Variants in PTPRD observed in about 807,000 individuals in gnomAD.
The protein encoded by PTPRD is protein tyrosine phosphatase receptor type D.
In PTPRD, 34 loss-of-function variants were observed where a neutral mutation model predicts 214.5. That is an observed-to-expected ratio of 0.16 (90% CI 0.12 to 0.21). PTPRD has a LOEUF of 0.21. Ranked by LOEUF, PTPRD falls within the 10% of genes least tolerant of loss-of-function variation. The pLI, the probability that PTPRD is intolerant of heterozygous loss-of-function variation, is 1.00. For missense variants in PTPRD, 2,545 were observed against 2,398.7 expected, an observed-to-expected ratio of 1.06 and a Z score of -1.27; for synonymous variants, 1,128 against 845.7, an observed-to-expected ratio of 1.33 and a Z score of -5.79.
intron 3 of PTPRD, among the ~76,000 whole-genome samples, chr9:10,158,258 C>T (rs751339712): frequency 6.6e-6 from 1 of 152,144 alleles, no homozygotes; most frequent in Admixed American, 6.5e-5. Flanking sequence ...CTGCCCACTT[C>T]GGCCCCCTGA....
At chr9:10,199,268 T>C (rs1278376244) in intron 3 of PTPRD, among the ~76,000 whole-genome samples, 4 of 152,248 alleles carry the variant, frequency 2.6e-5, no homozygotes, top group East Asian at 3.9e-4. Flanking sequence ...ACTTAGTGTA[T>C]AGTTAGTTCT....
At chr9:10,481,000 C>G (rs1379046257) in intron 2 of PTPRD, among the ~76,000 whole-genome samples, 1 of 151,440 alleles carries the variant, frequency 6.6e-6, no homozygotes, top group East Asian at 2.0e-4. Context: ...TCAATAATAA[C>G]ATGCAAGCAG....
chr9:9,453,545 A>T (rs1160346393), intron 8 of PTPRD, among the ~76,000 whole-genome samples: 3 of 151,568 alleles, frequency 2.0e-5, no homozygotes, highest in Admixed American at 6.6e-5. Context: ...GTCTAAGGGG[A>T]TTCTTATTAC....
At chr9:10,465,351 AT>A (rs978064074) in intron 2 of PTPRD, among the ~76,000 whole-genome samples, 2 of 152,256 alleles carry the variant, frequency 1.3e-5, no homozygotes, top group Admixed American at 1.3e-4. Context: ...TGTTCATAAC[AT>A]TTTTTTGAGT....
At chr9:9,093,310 G>A (rs1036512991) in intron 10 of PTPRD, among the ~76,000 whole-genome samples, 4 of 151,890 alleles carry the variant, frequency 2.6e-5, no homozygotes, top group Admixed American at 6.6e-5. Flanking sequence ...CAGGAAATAC[G>A]AATAACACTA....
chr9:8,828,719 A>G (rs1481552187), intron 11 of PTPRD, among the ~76,000 whole-genome samples: 1 of 152,160 alleles, frequency 6.6e-6, no homozygotes, highest in African/African-American at 2.4e-5. Flanking sequence ...ACGCATCTCT[A>G]AAAAACATAT....
intron 10 of PTPRD, among the ~76,000 whole-genome samples, chr9:9,124,379 T>A (rs962493247): frequency 2.6e-5 from 4 of 152,190 alleles, no homozygotes; most frequent in African/African-American, 9.7e-5. Context: ...TTTATCTAAA[T>A]AACTATCTTA....
chr9:8,399,966 C>A (rs2092091975), intron 36 of PTPRD, among the ~76,000 whole-genome samples: 1 of 152,132 alleles, frequency 6.6e-6, no homozygotes, highest in African/African-American at 2.4e-5. Context: ...TGGGGTTGGG[C>A]CTCCATAACA....
rs1000981016 is a variant in PTPRD at position 9,667,507 on chromosome 9, G to T, written c.-287+67026C>A. On this transcript the variant is annotated intron_variant, in intron 7 of 45. Transcript: ENST00000381196. ...TACAAATTATACAGCAGTAAAAACGGTAAGGAAGTATTATTTAAATTATGT... is the reference window on the plus strand; with the variant it reads ...TACAAATTATACAGCAGTAAAAACGTTAAGGAAGTATTATTTAAATTATGT... Among the ~76,000 whole-genome samples, 9 of 152,114 alleles carry T rather than the reference G, an allele frequency of 5.9e-5. No individual in the cohort carries two copies. The East Asian group carries it at 1.7e-3, about 29-fold the overall frequency.
intron 20 of PTPRD, among the ~76,000 whole-genome samples, chr9:8,520,759 C>A (rs1378622811): frequency 2.0e-5 from 3 of 152,104 alleles, no homozygotes; most frequent in Non-Finnish European, 4.4e-5. Flanking sequence ...GATAAAACTA[C>A]AACAGAATAT....
intron 5 of PTPRD, among the ~76,000 whole-genome samples, chr9:9,845,364 T>G (rs571076578): frequency 2.0e-5 from 3 of 151,650 alleles, no homozygotes; most frequent in African/African-American, 7.3e-5. Flanking sequence ...ACAAAAGACT[T>G]TGGCAGTGTC....
At chr9:9,808,950 ATTTTT>A (rs59065058) in intron 5 of PTPRD, among the ~76,000 whole-genome samples, 60 of 142,292 alleles carry the variant, frequency 4.2e-4, no homozygotes, top group East Asian at 1.5e-3. Context: ...TTTATTTTGT[ATTTTT>A]TTTTTTTTTT....
intron 5 of PTPRD, among the ~76,000 whole-genome samples, chr9:9,848,393 T>G (rs10816206): frequency 0.11 from 16,829 of 152,138 alleles, 2,515 homozygotes; most frequent in East Asian, 0.77. Flanking sequence ...CAAAATCACG[T>G]AAAATGATGG....
At chr9:10,097,685 CAG>C (rs1439278311) in intron 3 of PTPRD, among the ~76,000 whole-genome samples, 1 of 151,744 alleles carries the variant, frequency 6.6e-6, no homozygotes, top group African/African-American at 2.4e-5. Flanking sequence ...CGTCTGCAAA[CAG>C]GGACAATTTG....
intron 5 of PTPRD, among the ~76,000 whole-genome samples, chr9:9,911,045 G>C (rs573108177): frequency 1.0e-3 from 153 of 151,944 alleles, no homozygotes; most frequent in Non-Finnish European, 1.8e-3. Flanking sequence ...ACAGTTGATA[G>C]TTTGTTCTTC....
intron 44 of PTPRD, among the ~76,000 whole-genome samples, 168 bp from the exon 45 acceptor site, chr9:8,320,134 G>A (rs1013860268): frequency 6.6e-6 from 1 of 152,100 alleles, no homozygotes; most frequent in South Asian, 2.1e-4. Flanking sequence ...TTGGGATACT[G>A]AGTTGTAACA....
chr9:9,909,336 G>C (rs918202986), intron 5 of PTPRD, among the ~76,000 whole-genome samples: 1 of 140,150 alleles, frequency 7.1e-6, no homozygotes, highest in Non-Finnish European at 1.5e-5. Flanking sequence ...TTTTTTTTAC[G>C]GCTTTTCCTA....
At chr9:9,454,782 A>G (rs757639796) in intron 8 of PTPRD, among the ~76,000 whole-genome samples, 1 of 151,616 alleles carries the variant, frequency 6.6e-6, no homozygotes, top group Non-Finnish European at 1.5e-5. Flanking sequence ...GTTAGTCTCA[A>G]TACTAGATGT....
At chr9:9,864,987 AGATT>A (rs1351492193) in intron 5 of PTPRD, among the ~76,000 whole-genome samples, 5 of 152,166 alleles carry the variant, frequency 3.3e-5, no homozygotes, top group Non-Finnish European at 7.4e-5. Flanking sequence ...TCTATTAAAT[AGATT>A]ATCTCTATAT....
Sources: allele counts gnomAD v4.1 joint callset (sites outside exome capture counted in the v4.1 genomes callset), GRCh38; gene constraint gnomAD v4.1.1; transcripts MANE v1.5; gene names NCBI Gene and HGNC (gene_info 2026-07-23, HGNC 2026-07-21).